DPP8: variants seen among roughly 807,000 people sequenced by gnomAD.
The protein encoded by DPP8 is DPP VIII.
DPP8 carries 31 observed loss-of-function variants against 107.5 expected under a neutral mutation model. That is an observed-to-expected ratio of 0.29 (90% CI 0.22 to 0.39). DPP8 has a LOEUF of 0.39. Ranked by LOEUF, DPP8 falls within the 10% of genes least tolerant of loss-of-function variation. The pLI is 1.00. For missense variants in DPP8, 842 were observed against 1,076.1 expected (o/e 0.78, Z 3.04); for synonymous variants, 381 against 356.6 (o/e 1.07, Z -0.77).
chr15:65,510,790 T>C (rs112464287), intron 2 of DPP8, among the ~76,000 whole-genome samples: 7 of 152,274 alleles, frequency 4.6e-5, no homozygotes, highest in Admixed American at 3.9e-4. Context: ...CCGCCAGCCA[T>C]AGCCTCCCAA....
At chr15:65,463,036 G>T (rs552432396) in intron 15 of DPP8, among the ~76,000 whole-genome samples, 1 of 152,284 alleles carries the variant, frequency 6.6e-6, no homozygotes, top group Admixed American at 6.5e-5. Flanking sequence ...ATTTGCTTGA[G>T]AGACACAGCT....
intron 11 of DPP8, among the ~76,000 whole-genome samples, chr15:65,476,351 T>C (rs1015316196): frequency 5.6e-4 from 86 of 152,266 alleles, no homozygotes; most frequent in African/African-American, 2.0e-3. Flanking sequence ...CATAAAATTA[T>C]ATGTTAACAT....
intron 2 of DPP8, among the ~76,000 whole-genome samples, chr15:65,511,596 TG>T (rs1478929157): frequency 7.0e-6 from 1 of 142,284 alleles, no homozygotes; most frequent in African/African-American, 2.6e-5. Context: ...GCCATTAGTG[TG>T]CCACTGCACT....
Position 65,485,156 on chromosome 15 carries a change from T to C in DPP8, c.960A>G (p.Thr320=), listed in dbSNP as rs1298913953. The change falls in exon 8 of 20, where the codon ACA becomes ACG. Residue 320 remains threonine (T), a synonymous_variant. Coordinates refer to ENST00000300141, the MANE Select transcript of DPP8 (RefSeq NM_130434.5). Reference sequence around the variant, plus strand: ...TCTTAAAAGTGACTTTAGGATTTGCTGTACCTTTAGAAAGAGACATAAATG... The same window carrying C: ...TCTTAAAAGTGACTTTAGGATTTGCCGTACCTTTAGAAAGAGACATAAATG... ...ADSFRYPKTG[T]ANPKVTFKMS... 1.2e-6 allele frequency: 2 copies of C among 1,601,340 alleles called. No homozygotes were observed. The highest frequency in any genetic ancestry group is 1.7e-5 in the Admixed American group (1 of 59,942).
intron 1 of DPP8, chr15:65,515,543 G>C (rs1253837001): frequency 1.1e-6 from 1 of 878,242 alleles, no homozygotes; most frequent in African/African-American, 1.7e-5. Context: ...TAGGTGACCT[G>C]AATTTTCTAA....
At chr15:65,468,941 G>A (rs2065604144) in intron 12 of DPP8, among the ~76,000 whole-genome samples, 1 of 152,110 alleles carries the variant, frequency 6.6e-6, no homozygotes, top group Admixed American at 6.6e-5. Flanking sequence ...ACCAGAGTTT[G>A]ATTCAGGATG....
At chr15:65,463,699 A>C (rs2065103190) in intron 15 of DPP8, 62 bp downstream of exon 15, 5 of 1,442,368 alleles carry the variant, frequency 3.5e-6, no homozygotes, top group Non-Finnish European at 4.8e-6. Context: ...CATTTAAAAA[A>C]CAAAAGATCT....
chr15:65,505,927 G>A (rs181797090), intron 3 of DPP8, among the ~76,000 whole-genome samples: 1 of 134,908 alleles, frequency 7.4e-6, no homozygotes, highest in African/African-American at 2.8e-5. Context: ...TCCAGCCTGG[G>A]TTGCAGAGCA....
chr15:65,456,454 G>T, intron 15 of DPP8, 83 bp from the exon 16 acceptor site: 4 of 1,323,916 alleles, frequency 3.0e-6, no homozygotes, highest in South Asian at 1.5e-5. Context: ...GAAATAGAAA[G>T]CTTAATTTCA....
At chr15:65,503,378 T>A (rs971803257) in intron 3 of DPP8, among the ~76,000 whole-genome samples, 11 of 152,150 alleles carry the variant, frequency 7.2e-5, no homozygotes, top group Non-Finnish European at 1.5e-4. Context: ...AGTGCTGGGA[T>A]TACAGGCGTG....
chr15:65,499,973 C>T (rs1293922088), intron 4 of DPP8, among the ~76,000 whole-genome samples: 1 of 151,746 alleles, frequency 6.6e-6, no homozygotes, highest in Non-Finnish European at 1.5e-5. Flanking sequence ...TCACAGTTCA[C>T]TGCAGCTTGA....
intron 4 of DPP8, among the ~76,000 whole-genome samples, chr15:65,498,702 T>G (rs1349057049): frequency 6.6e-6 from 1 of 152,136 alleles, no homozygotes; most frequent in Non-Finnish European, 1.5e-5. Flanking sequence ...CAATATAAAA[T>G]AGTTTGCTCA....
At chr15:65,498,349 G>T (rs1413187243) in intron 4 of DPP8, among the ~76,000 whole-genome samples, 2 of 152,050 alleles carry the variant, frequency 1.3e-5, no homozygotes, top group Admixed American at 6.6e-5. Flanking sequence ...TTGAACCTGG[G>T]AGGTGGATGT....
At chr15:65,475,640 A>G (rs2066315720) in intron 11 of DPP8, 2 of 801,160 alleles carry the variant, frequency 2.5e-6, no homozygotes, top group African/African-American at 1.7e-5. Context: ...CTAGAAATGC[A>G]ACAAACTACT....
intron 4 of DPP8, among the ~76,000 whole-genome samples, chr15:65,498,645 C>T (rs2068847754): frequency 6.6e-6 from 1 of 152,076 alleles, no homozygotes; most frequent in African/African-American, 2.4e-5. Flanking sequence ...TGTTATTAAA[C>T]ACTTATTCAC....
intron 15 of DPP8, chr15:65,459,633 T>C (rs1201312701): frequency 6.6e-6 from 1 of 152,236 alleles, no homozygotes; most frequent in Non-Finnish European, 1.5e-5. Context: ...AAAGCATAGC[T>C]GTACTGCATA....
chr15:65,485,333 C>T (rs919060486), intron 7 of DPP8, among the ~76,000 whole-genome samples, 173 bp from the exon 8 acceptor site: 1 of 151,602 alleles, frequency 6.6e-6, no homozygotes, highest in African/African-American at 2.4e-5. Flanking sequence ...CACCTGAGGT[C>T]AGGAGTTTGA....
chr15:65,498,066 T>A, intron 4 of DPP8, 34 bp from the exon 5 acceptor site: 1 of 1,500,276 alleles, frequency 6.7e-7, no homozygotes, highest in Non-Finnish European at 9.1e-7. Flanking sequence ...AGGTAAGTAT[T>A]AGGCTGACAC....
At chr15:65,515,843 C>A (rs1236819327) in intron 1 of DPP8, 5 of 673,212 alleles carry the variant, frequency 7.4e-6, no homozygotes, top group South Asian at 2.2e-5. Flanking sequence ...TAAGATGGAC[C>A]ATATGTGGCC....
Sources: allele counts gnomAD v4.1 joint callset (sites outside exome capture counted in the v4.1 genomes callset), GRCh38; gene constraint gnomAD v4.1.1; transcripts MANE v1.5; gene names NCBI Gene and HGNC (gene_info 2026-07-23, HGNC 2026-07-21).